Variants in HIBCH observed in about 807,000 individuals in gnomAD.
HIBCH encodes 3-hydroxyisobutyryl-CoA hydrolase.
HIBCH carries 50 observed loss-of-function variants against 58.2 expected under a neutral mutation model. The ratio of observed to expected loss-of-function variants is 0.86; its 90% CI spans 0.68 to 1.09. HIBCH has a LOEUF of 1.09. Among genes scored for constraint, HIBCH ranks in the 50% least tolerant of loss-of-function variants. The probability of loss-of-function intolerance (pLI) is 0.00; values close to 1 mark genes in which losing one functional copy is unlikely to be tolerated. For missense variants in HIBCH, 450 were observed against 449.7 expected (o/e 1.00, Z -0.01); for synonymous variants, 151 against 146.9 (o/e 1.03, Z -0.20).
Position 190,197,878 on chromosome 2 carries a change from C to T in HIBCH, c.*17+7222G>A, listed in dbSNP as rs960826828. 6.6e-6 allele frequency among the ~76,000 whole-genome samples: 1 copy of T among 152,192 alleles called. No individual in the cohort carries two copies. Among genetic ancestry groups the T allele is most frequent in the Admixed American group, 6.5e-5 (1 of 15,280 alleles). ...TGATGGTTCCACTGATGGTTCCACT[C>T]ACAGCCTTTTATTTATCTGACACTC... On this transcript the variant is annotated intron_variant, in intron 1 of 1. Transcript: ENST00000399855. The surrounding 1 kb of genome is among the most constrained non-coding windows in gnomAD (Gnocchi z 4.0).
At position 190,296,798 on chromosome 2, in the gene HIBCH, A is replaced by G. The variant is rs761238030; in HGVS notation, c.219+15T>C. On this transcript the variant is annotated intron_variant, in intron 3 of 13. Transcript: ENST00000359678. ...TGAAAAGAATCCATATAATTGCAAT[A>G]AGAAAATTACAAACCTTTAGCTGTG... 4.4e-6 allele frequency: 7 copies of G among 1,606,016 alleles called. No individual in the cohort carries two copies. Among genetic ancestry groups the G allele is most frequent in the South Asian group, 3.3e-5 (3 of 90,908 alleles).
At chr2:190,261,125 A>G (rs1182898219) in intron 7 of HIBCH, 31 bp downstream of exon 7, 1 of 1,500,572 alleles carries the variant, frequency 6.7e-7, no homozygotes, top group Non-Finnish European at 9.3e-7. Flanking sequence ...TGATGCTAAA[A>G]GTAATTATAA....
intron 1 of HIBCH, among the ~76,000 whole-genome samples, chr2:190,313,373 G>C (rs1688609839): frequency 6.6e-6 from 1 of 152,124 alleles, no homozygotes; most frequent in Admixed American, 6.6e-5. Flanking sequence ...ATGGATGCAG[G>C]ACACAGCATT....
chr2:190,285,028 CTT>C (rs752642494), intron 6 of HIBCH, among the ~76,000 whole-genome samples: 18 of 152,132 alleles, frequency 1.2e-4, no homozygotes, highest in Non-Finnish European at 1.9e-4. Context: ...ATTTTCATCA[CTT>C]ATATATTTTT....
intron 5 of HIBCH, among the ~76,000 whole-genome samples, chr2:190,287,960 C>T (rs1447461586): frequency 6.6e-6 from 1 of 151,826 alleles, no homozygotes; most frequent in Non-Finnish European, 1.5e-5. Context: ...AGTATGAGAC[C>T]AGCCTGAGCA....
At chr2:190,212,232 C>G (rs532158617) in intron 12 of HIBCH, among the ~76,000 whole-genome samples, 18 of 152,302 alleles carry the variant, frequency 1.2e-4, no homozygotes, top group African/African-American at 4.3e-4. Context: ...ACATGGCTAA[C>G]AGAGTTATTT....
intron 9 of HIBCH, 69 bp from the exon 10 acceptor site, chr2:190,246,281 A>T: frequency 1.2e-6 from 1 of 860,038 alleles, no homozygotes. Context: ...TTCATATTTA[A>T]TGATACACTT....
chr2:190,280,598 G>A (rs1393673632), intron 6 of HIBCH, among the ~76,000 whole-genome samples: 2 of 151,660 alleles, frequency 1.3e-5, no homozygotes, highest in Non-Finnish European at 2.9e-5. Context: ...AGTTTAACTG[G>A]TATATAACCT....
chr2:190,249,820 A>G (rs1350480077), intron 8 of HIBCH, 94 bp from the exon 9 acceptor site: 2 of 838,686 alleles, frequency 2.4e-6, no homozygotes, highest in Non-Finnish European at 3.9e-6. Flanking sequence ...AGAATTCTTG[A>G]CTTTAAATTA....
chr2:190,244,028 G>A (rs2105932486), intron 11 of HIBCH, among the ~76,000 whole-genome samples: 1 of 152,118 alleles, frequency 6.6e-6, no homozygotes, highest in East Asian at 1.9e-4. Flanking sequence ...CACCTTTACA[G>A]GTAAGACTAT....
intron 6 of HIBCH, among the ~76,000 whole-genome samples, chr2:190,269,288 G>A (rs1027736139): frequency 6.6e-6 from 1 of 152,100 alleles, no homozygotes; most frequent in Non-Finnish European, 1.5e-5. Flanking sequence ...TCATCAACGT[G>A]AACAGGCAAC....
intron 2 of HIBCH, among the ~76,000 whole-genome samples, chr2:190,298,388 T>C (rs1404267451): frequency 6.6e-6 from 1 of 151,802 alleles, no homozygotes; most frequent in Non-Finnish European, 1.5e-5. Context: ...AGCGTTCTTA[T>C]TTCTCCGCAG....
Position 190,208,775 on chromosome 2 carries a change from T to G in HIBCH, c.1045+105A>C, listed in dbSNP as rs6723335. 8.4e-3 allele frequency: 8,090 copies of G among 963,084 alleles called. 418 individuals are homozygous for G. In the African/African-American group the frequency reaches 0.11, roughly 13 times the overall value. The allele number at this position is 963,084 out of a possible 1,614,324, so 59.7% of individuals were successfully genotyped here. On this transcript the variant is annotated intron_variant, in intron 13 of 13. Coordinates refer to ENST00000359678, the MANE Select transcript of HIBCH (RefSeq NM_014362.4). The stretch of plus-strand genomic sequence containing the variant: ...AAATAGTTTCAGATTTTGGTACATT[T>G]TGGATTTTAGGATTTGGGATGCATA...
intron 1 of HIBCH, among the ~76,000 whole-genome samples, chr2:190,191,651 A>G (rs1390157161): frequency 6.6e-6 from 1 of 152,136 alleles, no homozygotes; most frequent in Non-Finnish European, 1.5e-5. Flanking sequence ...TATTATTTTT[A>G]CCCATTCTAA....
At chr2:190,199,768 G>A (rs2105889441), downstream of HIBCH, 6 of 1,545,902 alleles carry the variant, frequency 3.9e-6, no homozygotes, top group South Asian at 6.4e-5. Flanking sequence ...GGAAAGCACT[G>A]GTCAACATCA....
In HIBCH at chr2:190,266,179, T is replaced by A. The variant is rs142360099; in HGVS notation, c.439-4945A>T. On this transcript the variant is annotated intron_variant, in intron 6 of 13. Coordinates refer to ENST00000359678, the MANE Select transcript of HIBCH (RefSeq NM_014362.4). Reference sequence around the variant, plus strand: ...TTAAGATGAATTCCAAGGCCTATTTTGGCAAGTGTTTCATACACACATGAA... The same window carrying A: ...TTAAGATGAATTCCAAGGCCTATTTAGGCAAGTGTTTCATACACACATGAA... Among the ~76,000 whole-genome samples the A allele has an allele frequency of 5.8e-3, 884 of 152,300 alleles. 4 individuals are homozygous for A. The highest frequency in any genetic ancestry group is 0.014 in the Middle Eastern group (4 of 294).
At chr2:190,202,207 A>G (rs1355750402), downstream of HIBCH, 1 of 167,034 alleles carries the variant, frequency 6.0e-6, no homozygotes, top group Non-Finnish European at 1.5e-5. Context: ...GCCCTTCCTC[A>G]GCAACTATGG....
intron 6 of HIBCH, among the ~76,000 whole-genome samples, chr2:190,273,380 G>A (rs1314747137): frequency 2.6e-5 from 4 of 152,048 alleles, no homozygotes; most frequent in African/African-American, 7.2e-5. Context: ...GTGACAGAGC[G>A]AGACTCCATC....
At chr2:190,230,062 T>C (rs1331780765) in intron 11 of HIBCH, among the ~76,000 whole-genome samples, 4 of 152,192 alleles carry the variant, frequency 2.6e-5, no homozygotes, top group Non-Finnish European at 4.4e-5. Flanking sequence ...AATAGTTGCC[T>C]CTGTTGTAAG....
Sources: gnomAD v4.1 joint callset for allele counts (sites outside exome capture counted in the v4.1 genomes callset) on GRCh38, gnomAD v4.1.1 for gene constraint, Gnocchi (gnomAD v3.1) non-coding constraint, MANE v1.5 for transcripts, NCBI Gene and HGNC (gene_info 2026-07-23, HGNC 2026-07-21) for gene names.